Variants in PDE4D observed in about 807,000 individuals in gnomAD.
PDE4D encodes the protein phosphodiesterase 4D.
PDE4D carries 24 observed loss-of-function variants against 87.4 expected under a neutral mutation model. The ratio of observed to expected loss-of-function variants is 0.27; its 90% confidence interval spans 0.20 to 0.39. PDE4D has a LOEUF of 0.39. Ranked by LOEUF, PDE4D falls within the 10% of genes least tolerant of loss-of-function variation. The pLI is 1.00. For synonymous variants in PDE4D, 384 were observed against 383.2 expected (o/e 1.00, Z -0.02); for missense variants, 714 against 1,041.0 (o/e 0.69, Z 4.32).
At chr5:59,939,800 A>T (rs943783372) in intron 3 of PDE4D, among the ~76,000 whole-genome samples, 12 of 152,152 alleles carry the variant, frequency 7.9e-5, no homozygotes, top group Admixed American at 5.2e-4. Flanking sequence ...AAGGATTGTG[A>T]ACTTTATCCT....
intron 1 of PDE4D, among the ~76,000 whole-genome samples, chr5:59,806,758 G>C (rs898621570): frequency 2.6e-5 from 4 of 152,170 alleles, no homozygotes; most frequent in Non-Finnish European, 5.9e-5. Flanking sequence ...AAATTGTTAA[G>C]AGAGTGGATT....
chr5:60,270,750 G>A (rs1485322725), intron 1 of PDE4D, among the ~76,000 whole-genome samples: 3 of 152,034 alleles, frequency 2.0e-5, no homozygotes, highest in African/African-American at 4.8e-5. Flanking sequence ...TGAAATCTCC[G>A]CTTATCATTC....
intron 2 of PDE4D, among the ~76,000 whole-genome samples, chr5:60,033,888 T>A (rs1444511408): frequency 6.6e-6 from 1 of 152,168 alleles, no homozygotes; most frequent in East Asian, 1.9e-4. Context: ...CCAATAAAAA[T>A]ATTGCTAAGA....
At chr5:60,441,185 A>G (rs932310571) in intron 1 of PDE4D, among the ~76,000 whole-genome samples, 3 of 152,186 alleles carry the variant, frequency 2.0e-5, no homozygotes, top group Non-Finnish European at 2.9e-5. Flanking sequence ...CTGACTTCAA[A>G]CTATACTACA....
chr5:60,444,560 T>C (rs1745490383), intron 1 of PDE4D, among the ~76,000 whole-genome samples: 1 of 152,118 alleles, frequency 6.6e-6, no homozygotes, highest in South Asian at 2.1e-4. Flanking sequence ...CAAAGTTTCA[T>C]AGAGGAGGAG....
chr5:59,734,145 AG>A (rs1757760995), intron 1 of PDE4D, among the ~76,000 whole-genome samples: 1 of 152,224 alleles, frequency 6.6e-6, no homozygotes, highest in Admixed American at 6.5e-5. Context: ...ACACATACAC[AG>A]GTTTGTATAT....
chr5:59,310,492 A>G (rs1388720954), intron 1 of PDE4D, among the ~76,000 whole-genome samples: 1 of 152,068 alleles, frequency 6.6e-6, no homozygotes, highest in African/African-American at 2.4e-5. Flanking sequence ...GGGCATCTGT[A>G]TGTGGTCCAT....
chr5:60,172,108 ATATAT>A lies in PDE4D; in HGVS notation c.42+13444_42+13448del, dbSNP rs1055572217. Among the ~76,000 whole-genome samples, 6 of 147,296 alleles carry A rather than the reference ATATAT, an allele frequency of 4.1e-5. No homozygotes were observed. In the East Asian group the frequency reaches 5.9e-4, roughly 14 times the overall value. The stretch of plus-strand genomic sequence containing the variant: ...TTGAGAACTAAATGAGTGAATATAT[ATATAT>A]TATATTATATATATAATATAATATA... On this transcript the variant is annotated intron_variant, in intron 2 of 16. Coordinates refer to the PDE4D transcript ENST00000502484.
intron 1 of PDE4D, among the ~76,000 whole-genome samples, chr5:60,456,125 C>T (rs533979794): frequency 5.3e-4 from 80 of 152,224 alleles, no homozygotes; most frequent in Non-Finnish European, 9.6e-4. Context: ...AGTTCACCTT[C>T]GGGAGATGAG....
At chr5:60,272,444 C>G (rs1280676847) in intron 1 of PDE4D, among the ~76,000 whole-genome samples, 1 of 152,210 alleles carries the variant, frequency 6.6e-6, no homozygotes, top group Admixed American at 6.5e-5. Flanking sequence ...GTGTTTCCAT[C>G]AAAGTTAGTT....
chr5:60,162,675 T>C lies in PDE4D; in HGVS notation c.42+22882A>G, dbSNP rs538112900. ...CAGAGATACTGAATCAAAAATCTCTTGGGATAAACTTCAAGAACATGTATT... is the reference window on the plus strand; with the variant it reads ...CAGAGATACTGAATCAAAAATCTCTCGGGATAAACTTCAAGAACATGTATT... On this transcript the variant is annotated intron_variant, in intron 2 of 16. Coordinates refer to the PDE4D transcript ENST00000502484. Among the ~76,000 whole-genome samples the C allele has an allele frequency of 1.7e-3, 255 of 152,130 alleles. 1 individual carries two copies. Among genetic ancestry groups the C allele is most frequent in the African/African-American group, 5.8e-3 (241 of 41,494 alleles).
intron 1 of PDE4D, among the ~76,000 whole-genome samples, chr5:59,536,161 G>T (rs576285173): frequency 6.6e-6 from 1 of 152,100 alleles, no homozygotes; most frequent in Admixed American, 6.6e-5. Context: ...TTGGATACAC[G>T]AAAATGGAAT....
chr5:60,334,624 A>T (rs75847598), intron 1 of PDE4D, among the ~76,000 whole-genome samples: 5,044 of 152,056 alleles, frequency 0.033, 127 homozygotes, highest in Middle Eastern at 0.082. Context: ...CATTGTGGGT[A>T]GTATTTCCTA....
intron 5 of PDE4D, among the ~76,000 whole-genome samples, chr5:59,088,757 A>G (rs1163035948): frequency 6.6e-6 from 1 of 152,142 alleles, no homozygotes; most frequent in Non-Finnish European, 1.5e-5. Flanking sequence ...GGACACATAG[A>G]GGGAAACAAC....
At chr5:59,437,383 T>A (rs1796934075) in intron 1 of PDE4D, among the ~76,000 whole-genome samples, 1 of 152,190 alleles carries the variant, frequency 6.6e-6, no homozygotes, top group African/African-American at 2.4e-5. Context: ...ATACAAACGG[T>A]TGCCAATATT....
intron 2 of PDE4D, among the ~76,000 whole-genome samples, chr5:59,210,535 A>G (rs544893948): frequency 5.9e-5 from 9 of 152,322 alleles, no homozygotes; most frequent in African/African-American, 1.9e-4. Flanking sequence ...AAATGCCCCA[A>G]TGGGGCACCC....
In PDE4D at chr5:59,450,154, C is replaced by T. The variant is rs187046069; in HGVS notation, c.456-234186G>A. ...TGACTATGTAAATGATCGCCTTGTGCCAACTGATTAGCATTTTTAAGGCAA... is the reference window on the plus strand; with the variant it reads ...TGACTATGTAAATGATCGCCTTGTGTCAACTGATTAGCATTTTTAAGGCAA... On this transcript the variant is annotated intron_variant, in intron 1 of 14. Coordinates refer to ENST00000340635, the MANE Select transcript of PDE4D (RefSeq NM_001104631.2). Among the ~76,000 whole-genome samples the T allele has an allele frequency of 2.4e-4, 37 of 152,278 alleles. No individual in the cohort carries two copies. In the East Asian group the frequency reaches 6.2e-3, roughly 25 times the overall value.
In PDE4D at chr5:60,030,221, C is replaced by A. The variant is rs185954667; in HGVS notation, c.43-41504G>T. Among the ~76,000 whole-genome samples the A allele has an allele frequency of 7.1e-3, 1,074 of 152,070 alleles. 11 individuals carry two copies. Among genetic ancestry groups the A allele is most frequent in the African/African-American group, 0.025 (1,029 of 41,476 alleles). Reference sequence around the variant, plus strand: ...ATCCCAGCACTTTGGGAGGCCGAGGCGGGTGGATCATGAGGTCAGGAGATC... The same window carrying A: ...ATCCCAGCACTTTGGGAGGCCGAGGAGGGTGGATCATGAGGTCAGGAGATC... On this transcript the variant is annotated intron_variant, in intron 2 of 16. Transcript: ENST00000502484.
intron 1 of PDE4D, among the ~76,000 whole-genome samples, chr5:59,355,713 A>G (rs1259777010): frequency 6.6e-6 from 1 of 152,158 alleles, no homozygotes; most frequent in Non-Finnish European, 1.5e-5. Flanking sequence ...TTGCTTATGC[A>G]TTGTTATACA....
Sources: allele counts gnomAD v4.1 joint callset (sites outside exome capture counted in the v4.1 genomes callset), GRCh38; gene constraint gnomAD v4.1.1; transcripts MANE v1.5; gene names NCBI Gene and HGNC (gene_info 2026-07-23, HGNC 2026-07-21).